Variants in DRC8 observed in about 807,000 individuals in gnomAD.
DRC8 encodes dynein regulatory complex protein 8.
chr1:245,118,836 A>AAAAGAAAAGAAAAG, the DRC8 span, among the ~76,000 whole-genome samples: 1 of 150,210 alleles, frequency 6.7e-6, no homozygotes, highest in African/African-American at 2.5e-5. Context: ...AAAAGAAAAG[A>AAAAGAAAAGAAAAG]AAAAAATAAT....
At chr1:245,069,048 A>G in the DRC8 span, among the ~76,000 whole-genome samples, 5 of 152,200 alleles carry the variant, frequency 3.3e-5, no homozygotes, top group African/African-American at 4.8e-5. Context: ...CTACTATAAC[A>G]TGGATGAAAC....
At chr1:245,034,693 T>TATATA in the DRC8 span, among the ~76,000 whole-genome samples, 3 of 148,632 alleles carry the variant, frequency 2.0e-5, no homozygotes, top group African/African-American at 7.5e-5. Flanking sequence ...ATTAAATGCC[T>TATATA]ATATAAAGAA....
At chr1:244,978,232 G>C in the DRC8 span, among the ~76,000 whole-genome samples, 2 of 151,990 alleles carry the variant, frequency 1.3e-5, no homozygotes, top group Non-Finnish European at 2.9e-5. Context: ...AGTGGCTCAC[G>C]CCTGTAATCT....
chr1:245,095,920 C>A, the DRC8 span, among the ~76,000 whole-genome samples: 1 of 152,146 alleles, frequency 6.6e-6, no homozygotes, highest in Non-Finnish European at 1.5e-5. Flanking sequence ...CATTCTAAAC[C>A]CTCCTCAGCA....
chr1:245,102,116 A>T, the DRC8 span, among the ~76,000 whole-genome samples: 1 of 152,162 alleles, frequency 6.6e-6, no homozygotes, highest in Non-Finnish European at 1.5e-5. Context: ...CAGACACACA[A>T]CTCACTGGTT....
the DRC8 span, among the ~76,000 whole-genome samples, chr1:245,110,362 C>G: frequency 6.6e-6 from 1 of 150,952 alleles, no homozygotes; most frequent in Non-Finnish European, 1.5e-5. Context: ...CTAACCTGGG[C>G]GACAGAATGA....
the DRC8 span, among the ~76,000 whole-genome samples, chr1:245,119,526 T>C: frequency 6.6e-6 from 1 of 151,622 alleles, no homozygotes; most frequent in African/African-American, 2.4e-5. Context: ...TAACTGGGCA[T>C]GGTGATGCAT....
At chr1:245,087,904 A>G in the DRC8 span, 1 of 557,872 alleles carries the variant, frequency 1.8e-6, no homozygotes, top group African/African-American at 2.0e-5. Flanking sequence ...AAACATTTAT[A>G]TTTGCTGATC....
chr1:245,055,466 C>T, the DRC8 span, among the ~76,000 whole-genome samples: 7 of 152,114 alleles, frequency 4.6e-5, no homozygotes, highest in Non-Finnish European at 8.8e-5. Flanking sequence ...ACTACAGGCA[C>T]GTGCCACCAC....
the DRC8 span, among the ~76,000 whole-genome samples, chr1:244,991,326 G>C: frequency 6.6e-6 from 1 of 152,256 alleles, no homozygotes; most frequent in Non-Finnish European, 1.5e-5. Context: ...CTCCCGGCAT[G>C]TGGATGTGCT....
the DRC8 span, among the ~76,000 whole-genome samples, chr1:245,120,735 C>A: frequency 6.6e-6 from 1 of 152,220 alleles, no homozygotes; most frequent in Non-Finnish European, 1.5e-5. Flanking sequence ...TACAGAGACA[C>A]CTGTCACTTC....
At chr1:245,083,098 G>A in the DRC8 span, among the ~76,000 whole-genome samples, 1 of 152,076 alleles carries the variant, frequency 6.6e-6, no homozygotes, top group African/African-American at 2.4e-5. Flanking sequence ...AGGACCCCTG[G>A]GCCACACAGC....
At chr1:245,053,994 C>G in the DRC8 span, among the ~76,000 whole-genome samples, 1 of 149,430 alleles carries the variant, frequency 6.7e-6, no homozygotes, top group African/African-American at 2.4e-5. Context: ...ACCCAGTGAA[C>G]AACGCCCGCA....
the DRC8 span, among the ~76,000 whole-genome samples, chr1:245,114,443 C>T: frequency 2.7e-5 from 4 of 150,512 alleles, no homozygotes; most frequent in African/African-American, 7.4e-5. Flanking sequence ...CCAGCCTGGG[C>T]GACAGAGTGA....
At chr1:245,100,411 T>TA in the DRC8 span, among the ~76,000 whole-genome samples, 2 of 151,192 alleles carry the variant, frequency 1.3e-5, no homozygotes, top group Non-Finnish European at 2.9e-5. Flanking sequence ...ATAATAATAA[T>TA]AATTGTTTAA....
chr1:245,098,313 T>C, the DRC8 span, among the ~76,000 whole-genome samples: 2 of 151,966 alleles, frequency 1.3e-5, no homozygotes, highest in Admixed American at 1.3e-4. Flanking sequence ...CCGGAGAGCC[T>C]GGGGTTGGAG....
the DRC8 span, chr1:245,122,313 T>C: frequency 6.2e-6 from 1 of 162,348 alleles, no homozygotes. Context: ...TGGCGTTGAA[T>C]GTGGTACACC....
At chr1:245,087,190 A>G in the DRC8 span, 3 of 1,583,850 alleles carry the variant, frequency 1.9e-6, no homozygotes, top group Admixed American at 1.9e-5. Context: ...GCTAGTGGAA[A>G]GAGAAAAAAA....
chr1:245,093,000 A>T, the DRC8 span, among the ~76,000 whole-genome samples: 1 of 152,256 alleles, frequency 6.6e-6, no homozygotes, highest in Non-Finnish European at 1.5e-5. Flanking sequence ...GAAAATGTTT[A>T]AAAAGCTGTA....
Sources: allele counts gnomAD v4.1 joint callset (sites outside exome capture counted in the v4.1 genomes callset), GRCh38; gene constraint gnomAD v4.1.1; transcripts MANE v1.5; gene names NCBI Gene and HGNC (gene_info 2026-07-23, HGNC 2026-07-21).